The following CSGALNACT1 variants were observed in gnomAD, a reference collection of about 807,000 sequenced individuals.
CSGALNACT1 encodes beta4GalNAcT-1.
CSGALNACT1 carries 52 observed loss-of-function variants against 51.0 expected under a neutral mutation model. That is an observed-to-expected ratio of 1.02 (90% CI 0.82 to 1.29). CSGALNACT1 has a LOEUF of 1.29. Ranked by LOEUF, CSGALNACT1 falls within the 50% of genes most tolerant of loss-of-function variation. The pLI is 0.00. For missense variants in CSGALNACT1, 935 were observed against 679.2 expected, an observed-to-expected ratio of 1.38 and a Z score of -4.19; for synonymous variants, 341 against 254.4, an observed-to-expected ratio of 1.34 and a Z score of -3.24.
intron 4 of CSGALNACT1, among the ~76,000 whole-genome samples, chr8:19,461,796 AGGGCG>A (rs2065552093): frequency 8.8e-6 from 1 of 113,968 alleles, no homozygotes; most frequent in Admixed American, 9.8e-5. Context: ...TTCACCATGG[AGGGCG>A]TATCCCCACA....
chr8:19,500,419 C>A (rs180854627), intron 4 of CSGALNACT1, among the ~76,000 whole-genome samples: 1 of 151,182 alleles, frequency 6.6e-6, no homozygotes, highest in Non-Finnish European at 1.5e-5. Context: ...CCAGAATGCA[C>A]CTGAAAGGCT....
chr8:19,756,189 G>A (rs2065360847), intron 1 of CSGALNACT1, among the ~76,000 whole-genome samples: 1 of 151,562 alleles, frequency 6.6e-6, no homozygotes, highest in Non-Finnish European at 1.5e-5. Context: ...GAACAATGTC[G>A]ACGAAATCCT....
At chr8:19,581,073 A>G (rs2045460592) in intron 3 of CSGALNACT1, among the ~76,000 whole-genome samples, 1 of 152,240 alleles carries the variant, frequency 6.6e-6, no homozygotes, top group Non-Finnish European at 1.5e-5. Flanking sequence ...ATGAGAAAGA[A>G]GCAACGGCTA....
At position 19,653,501 on chromosome 8, in the gene CSGALNACT1, T is replaced by C. The variant is rs183848370; in HGVS notation, c.-544+28972A>G. ...ATATGTGTTGAGAACCAAATCACAA[T>C]CTTCAGCTGCGGCCAGGTGCAGTGG... On this transcript the variant is annotated intron_variant, in intron 1 of 9. Transcript: ENST00000332246. Among the ~76,000 whole-genome samples, 4 of 152,258 alleles carry C rather than the reference T, an allele frequency of 2.6e-5. No homozygotes were observed. The East Asian group carries it at 5.8e-4, about 22-fold the overall frequency.
At chr8:19,505,012 A>T (rs768268140) in intron 4 of CSGALNACT1, among the ~76,000 whole-genome samples, 189 bp downstream of exon 3, 45 of 152,276 alleles carry the variant, frequency 3.0e-4, no homozygotes, top group Middle Eastern at 3.4e-3. Context: ...TTTCCATGAG[A>T]AAGTAAGTGG....
intron 3 of CSGALNACT1, among the ~76,000 whole-genome samples, chr8:19,555,562 T>A (rs998291281): frequency 6.6e-6 from 1 of 151,858 alleles, no homozygotes; most frequent in Non-Finnish European, 1.5e-5. Flanking sequence ...TAGAAAAAAA[T>A]AAACAAACAA....
chr8:19,667,739 A>G (rs530454146), intron 1 of CSGALNACT1, among the ~76,000 whole-genome samples: 1 of 152,208 alleles, frequency 6.6e-6, no homozygotes, highest in Non-Finnish European at 1.5e-5. Context: ...TCAAAAATGT[A>G]AAAATCATAG....
At chr8:19,694,217 A>C (rs1291839173) in intron 1 of CSGALNACT1, among the ~76,000 whole-genome samples, 2 of 152,198 alleles carry the variant, frequency 1.3e-5, no homozygotes, top group Non-Finnish European at 2.9e-5. Flanking sequence ...TTTGGCTACA[A>C]AGATACAACA....
In CSGALNACT1 at chr8:19,615,282, G is replaced by A. The variant is rs560934328; in HGVS notation, c.-543-13417C>T. 4.6e-5 allele frequency among the ~76,000 whole-genome samples: 7 copies of A among 152,294 alleles called. No homozygotes were observed. In the South Asian group the frequency reaches 1.4e-3, roughly 32 times the overall value. ...TGTGCCACTGTACTCCAGCCTGGGG[G>A]ACAAAGTGAGACTCCATCTCCATCA... On this transcript the variant is annotated intron_variant, in intron 1 of 9. Coordinates refer to the CSGALNACT1 transcript ENST00000332246.
chr8:19,468,355 TGGGAG>T (rs2067218869), intron 4 of CSGALNACT1, among the ~76,000 whole-genome samples: 1 of 151,818 alleles, frequency 6.6e-6, no homozygotes, highest in Non-Finnish European at 1.5e-5. Flanking sequence ...AATGGGGGGA[TGGGAG>T]AATGCTGGAA....
intron 4 of CSGALNACT1, among the ~76,000 whole-genome samples, chr8:19,496,085 G>A (rs572634066): frequency 2.7e-4 from 41 of 152,280 alleles, no homozygotes; most frequent in African/African-American, 7.7e-4. Context: ...CCAATTTGGA[G>A]CAGTATGCTT....
intron 1 of CSGALNACT1, among the ~76,000 whole-genome samples, chr8:19,730,235 AAATCAG>A (rs78843256): frequency 0.15 from 23,453 of 152,084 alleles, 1,997 homozygotes; most frequent in Middle Eastern, 0.29. Flanking sequence ...CCCCGTTCCT[AAATCAG>A]AATGCTCAGA....
rs10096288 is a variant in CSGALNACT1 at position 19,667,023 on chromosome 8, G to A, written c.-544+15450C>T. Among the ~76,000 whole-genome samples, 167 of 32,040 alleles carry A rather than the reference G, an allele frequency of 5.2e-3. 9 individuals are homozygous for A. Among genetic ancestry groups the A allele is most frequent in the African/African-American group, 0.024 (105 of 4,422 alleles). 21.0% of individuals were successfully genotyped at this position (32,040 alleles called of 152,430 possible). A position where few individuals can be genotyped will look rare whatever the true frequency, so the allele number is the denominator to read the frequency against. ...AGAAAGAAAGAAAGAAAGAAAGGAA[G>A]GAAGGAAGGAAGGAAGGAAGAAAGA... On this transcript the variant is annotated intron_variant, in intron 1 of 9. Transcript: ENST00000332246.
chr8:19,509,950 T>C (rs1457987539), intron 3 of CSGALNACT1, among the ~76,000 whole-genome samples: 2 of 152,146 alleles, frequency 1.3e-5, no homozygotes, highest in Non-Finnish European at 2.9e-5. Context: ...GGTCAATCTC[T>C]TGGGGGTGGC....
intron 1 of CSGALNACT1, among the ~76,000 whole-genome samples, chr8:19,681,707 C>T (rs568334921): frequency 5.7e-4 from 87 of 152,332 alleles, no homozygotes; most frequent in African/African-American, 2.0e-3. Context: ...CAAGTTCCCA[C>T]TTGCTCCCTC....
At position 19,513,436 on chromosome 8, in the gene CSGALNACT1, C is replaced by CTCTCTCTCTCTATA; in HGVS notation, c.-296-7307_-296-7306insTATAGAGAGAGAGA. Among the ~76,000 whole-genome samples, 333 of 81,890 alleles carry CTCTCTCTCTCTATA rather than the reference C, an allele frequency of 4.1e-3. 1 individual carries two copies. The highest frequency in any genetic ancestry group is 0.011 in the East Asian group (14 of 1,260). The allele number at this position is 81,890 out of a possible 152,430, so 53.7% of individuals were successfully genotyped here. On this transcript the variant is annotated intron_variant, in intron 3 of 9. Coordinates refer to ENST00000454498, the Ensembl canonical transcript of CSGALNACT1. ...TCTCACTCTCTCTCTCTCTCTCTCTCTATATATATATATATATATATATAT... is the reference window on the plus strand; with the variant it reads ...TCTCACTCTCTCTCTCTCTCTCTCTCTCTCTCTCTCTATATATATATATATATATATATATATAT...
At chr8:19,756,970 C>G (rs2154255816) in intron 1 of CSGALNACT1, among the ~76,000 whole-genome samples, 1 of 141,880 alleles carries the variant, frequency 7.0e-6, no homozygotes, top group Admixed American at 7.1e-5. Flanking sequence ...CCTGCCAAGC[C>G]GGTCCCCGGC....
chr8:19,446,089 G>A (rs150376007), intron 5 of CSGALNACT1, among the ~76,000 whole-genome samples: 65 of 152,228 alleles, frequency 4.3e-4, no homozygotes, highest in Admixed American at 7.9e-4. Context: ...GGAGGAGAAT[G>A]ACTTGAACCT....
rs971183542 is a variant in CSGALNACT1, at chr8:19,427,745, G to A, written c.954-7227C>T. Among the ~76,000 whole-genome samples, 9 of 151,902 alleles carry A rather than the reference G, an allele frequency of 5.9e-5. No homozygotes were observed. In the South Asian group the frequency reaches 6.2e-4, roughly 11 times the overall value. On this transcript the variant is annotated intron_variant, in intron 6 of 9. Coordinates refer to ENST00000454498, the Ensembl canonical transcript of CSGALNACT1. ...GAAGCTTGCCGTTAGCCGAGATCGC[G>A]CCACTGCACTCCAGCCTGGGCAACA...
Sources: gnomAD v4.1 joint callset for allele counts (sites outside exome capture counted in the v4.1 genomes callset) on GRCh38, gnomAD v4.1.1 for gene constraint, MANE v1.5 for transcripts, NCBI Gene and HGNC (gene_info 2026-07-23, HGNC 2026-07-21) for gene names.